Variants in FAM78B observed in about 807,000 individuals in gnomAD.
FAM78B encodes protein FAM78B.
In FAM78B, 10 loss-of-function variants were observed where a neutral mutation model predicts 20.0. That is an observed-to-expected ratio of 0.50 (90% confidence interval 0.31 to 0.85). The LOEUF is 0.85. FAM78B is among the 40% of genes least tolerant of loss of function. FAM78B has a pLI of 0.05. For missense variants in FAM78B, 283 were observed against 345.0 expected (o/e 0.82, Z 1.42); for synonymous variants, 135 against 132.8 (o/e 1.02, Z -0.12).
chr1:166,062,885 A>C (rs1038219381), intron 2 of FAM78B, among the ~76,000 whole-genome samples: 10 of 152,346 alleles, frequency 6.6e-5, no homozygotes, highest in African/African-American at 2.4e-4. Context: ...GGCGGGGTGA[A>C]GGGACAAGAG....
At chr1:166,105,542 G>A (rs569028634) in intron 1 of FAM78B, among the ~76,000 whole-genome samples, 6 of 152,216 alleles carry the variant, frequency 3.9e-5, no homozygotes, top group African/African-American at 4.8e-5. Context: ...ACAAGTAGGC[G>A]AAGGATATGA....
intron 1 of FAM78B, 106 bp from the exon 2 acceptor site, chr1:166,070,869 G>A: frequency 7.8e-7 from 1 of 1,281,276 alleles, no homozygotes; most frequent in Non-Finnish European, 1.0e-6. Context: ...GGGCAAAATG[G>A]GAAGTTCACA....
At chr1:166,148,083 A>G (rs1655532422) in intron 1 of FAM78B, 1 of 152,220 alleles carries the variant, frequency 6.6e-6, no homozygotes, top group South Asian at 2.1e-4. Context: ...AACAACAGTG[A>G]ATCTCTCACT....
At position 166,070,748 on chromosome 1, in the gene FAM78B, C is replaced by A; in HGVS notation, c.279G>T (p.Leu93=). The A allele has an allele frequency of 6.4e-7, 1 of 1,565,442 alleles. No individual in the cohort carries two copies. The change falls in exon 2 of 2, where the codon CTG becomes CTT. Residue 93 remains leucine (L), a synonymous_variant. Transcript: ENST00000354422. The part of the protein sequence containing the change: ...YSDLGMSSWE[L]PDLREGRVKA... ...TTACTCTCCCTTCCCTCAAGTCAGG[C>A]AGTTCCCAGCTTGACCTGGCAAAGC...
At chr1:166,102,519 C>A (rs993373989) in intron 1 of FAM78B, among the ~76,000 whole-genome samples, 2 of 151,996 alleles carry the variant, frequency 1.3e-5, no homozygotes, top group Admixed American at 6.6e-5. Context: ...GAAGATCTAC[C>A]AAGCAAATGG....
rs1653882197 is a variant in FAM78B at position 166,108,737 on chromosome 1, A to G, written c.264-37974T>C. 3.3e-5 allele frequency among the ~76,000 whole-genome samples: 5 copies of G among 152,234 alleles called. No homozygotes were observed. The South Asian group carries it at 1.0e-3, about 31-fold the overall frequency. On this transcript the variant is annotated intron_variant, in intron 1 of 1. Coordinates refer to ENST00000354422, the MANE Select transcript of FAM78B (RefSeq NM_001017961.5). The stretch of plus-strand genomic sequence containing the variant: ...AAGCAAAAAGAACAAATCTGGAGGC[A>G]TCACACTACCTGATTTCAAACTGTA...
chr1:166,082,521 A>G (rs1408133715), intron 1 of FAM78B: 1 of 152,198 alleles, frequency 6.6e-6, no homozygotes, highest in Non-Finnish European at 1.5e-5. Flanking sequence ...TTCATCCTCA[A>G]CTTGCAGCTC....
At chr1:166,122,513 A>T (rs1004980907) in intron 1 of FAM78B, among the ~76,000 whole-genome samples, 2 of 152,238 alleles carry the variant, frequency 1.3e-5, no homozygotes, top group African/African-American at 4.8e-5. Flanking sequence ...AAGCCAACTC[A>T]TATCTCAGAT....
intron 1 of FAM78B, among the ~76,000 whole-genome samples, chr1:166,077,816 TTA>T (rs1309153099): frequency 8.8e-6 from 1 of 114,284 alleles, no homozygotes; most frequent in East Asian, 3.1e-4. Flanking sequence ...TATATGTAGA[TTA>T]TATATAAATA....
At chr1:166,067,585 G>T (rs1327532637), downstream of FAM78B, among the ~76,000 whole-genome samples, 1 of 152,154 alleles carries the variant, frequency 6.6e-6, no homozygotes, top group Non-Finnish European at 1.5e-5. Flanking sequence ...TTGTACAAGA[G>T]ACTTTCATTT....
chr1:166,060,514 G>A (rs966640417), exon 3 of FAM78B: 31 of 964,356 alleles, frequency 3.2e-5, no homozygotes, highest in Non-Finnish European at 3.9e-5. Context: ...GGAGGAAGGC[G>A]AGGAGGTAGG....
chr1:166,128,577 T>C (rs572692355), intron 1 of FAM78B, among the ~76,000 whole-genome samples: 1 of 152,342 alleles, frequency 6.6e-6, no homozygotes, highest in East Asian at 1.9e-4. Context: ...TAAATCACTG[T>C]TCTTTGGTTG....
chr1:166,165,854 G>C, intron 1 of FAM78B, 132 bp downstream of exon 1: 2 of 1,018,580 alleles, frequency 2.0e-6, no homozygotes, highest in Non-Finnish European at 2.9e-6. Flanking sequence ...AGGGAGGTGG[G>C]AGAGGAGGCG....
In FAM78B at chr1:166,077,701, A is replaced by AT. The variant is rs1230213807; in HGVS notation, c.264-6939dup. ...TATATTTATATATAAATTATATATA[A>AT]TAAATACATATAATTACATATATTT... is the stretch of plus-strand genomic sequence containing the variant. On this transcript the variant is annotated intron_variant, in intron 1 of 1. Coordinates refer to ENST00000354422, the MANE Select transcript of FAM78B (RefSeq NM_001017961.5). Among the ~76,000 whole-genome samples, 24 of 122,328 alleles carry AT rather than the reference A, an allele frequency of 2.0e-4. No homozygotes were observed. The East Asian group carries it at 5.5e-3, about 28-fold the overall frequency. 80.3% of individuals were successfully genotyped at this position (122,328 alleles called of 152,430 possible).
At chr1:166,080,415 C>T (rs1019721829) in intron 1 of FAM78B, among the ~76,000 whole-genome samples, 4 of 152,214 alleles carry the variant, frequency 2.6e-5, no homozygotes, top group African/African-American at 9.6e-5. Context: ...AAGACAGGCT[C>T]TGGTTCTAAA....
chr1:166,104,105 C>A (rs1016610115), intron 1 of FAM78B, among the ~76,000 whole-genome samples: 1 of 152,200 alleles, frequency 6.6e-6, no homozygotes, highest in East Asian at 1.9e-4. Flanking sequence ...ACAAAAACCA[C>A]ATGATTATCT....
chr1:166,081,552 G>T (rs1652576646), intron 1 of FAM78B, among the ~76,000 whole-genome samples: 1 of 152,152 alleles, frequency 6.6e-6, no homozygotes, highest in Non-Finnish European at 1.5e-5. Context: ...CCCAGGCTGT[G>T]TCCCTTACAA....
At chr1:166,078,389 T>TAAAC (rs1223416202) in intron 1 of FAM78B, among the ~76,000 whole-genome samples, 3 of 152,200 alleles carry the variant, frequency 2.0e-5, no homozygotes, top group Non-Finnish European at 4.4e-5. Context: ...CTCACTGTGA[T>TAAAC]AAACAGTGTT....
intron 1 of FAM78B, among the ~76,000 whole-genome samples, chr1:166,081,424 T>C (rs894471543): frequency 1.3e-5 from 2 of 152,202 alleles, no homozygotes; most frequent in African/African-American, 4.8e-5. Flanking sequence ...TGGCCAGTTT[T>C]CTAGGTCACA....
Sources: allele counts gnomAD v4.1 joint callset (sites outside exome capture counted in the v4.1 genomes callset), GRCh38; gene constraint gnomAD v4.1.1; transcripts MANE v1.5; gene names NCBI Gene and HGNC (gene_info 2026-07-23, HGNC 2026-07-21).